The following RBFOX2 variants were observed in gnomAD, a reference collection of about 807,000 sequenced individuals.
The protein encoded by RBFOX2 is RNA binding fox-1 homolog 2.
In RBFOX2, 10 loss-of-function variants were observed where a neutral mutation model predicts 49.1. That is an observed-to-expected ratio of 0.20 (90% CI 0.13 to 0.35). RBFOX2 has a LOEUF of 0.35. Among genes scored for constraint, RBFOX2 ranks in the 10% least tolerant of loss-of-function variants. RBFOX2 has a pLI of 1.00. For missense variants in RBFOX2, 323 were observed against 486.9 expected (o/e 0.66, Z 3.17); for synonymous variants, 183 against 187.4 (o/e 0.98, Z 0.19).
chr22:35,875,761 C>T (rs937806122), intron 1 of RBFOX2, among the ~76,000 whole-genome samples: 3 of 151,926 alleles, frequency 2.0e-5, no homozygotes, highest in Admixed American at 2.0e-4. Context: ...TGCCTATTCT[C>T]CTAGCGCCTC....
At chr22:35,921,537 G>C (rs1198311961) in intron 1 of RBFOX2, among the ~76,000 whole-genome samples, 1 of 152,186 alleles carries the variant, frequency 6.6e-6, no homozygotes, top group Admixed American at 6.5e-5. Flanking sequence ...GGTATGAAGT[G>C]CTCTTTCACA....
rs374893511 is a variant in RBFOX2, at chr22:35,823,050, ACCT to A, written c.28-13049_28-13047del. Among the ~76,000 whole-genome samples, 14 of 151,936 alleles carry A rather than the reference ACCT, an allele frequency of 9.2e-5. No homozygotes were observed. The South Asian group carries it at 2.7e-3, about 29-fold the overall frequency. ...TGTTGGCCAGGCTGGTCTCCACCTGACCTCAGGTGATCCGCCCGCCTCGGCCTC... is the reference window on the plus strand; with the variant it reads ...TGTTGGCCAGGCTGGTCTCCACCTGACAGGTGATCCGCCCGCCTCGGCCTC... On this transcript the variant is annotated intron_variant, in intron 1 of 11. Coordinates refer to ENST00000405409, the Ensembl canonical transcript of RBFOX2.
At position 35,770,423 on chromosome 22, in the gene RBFOX2, C is replaced by A. The variant is rs191449001; in HGVS notation, c.454-2074G>T. Among the ~76,000 whole-genome samples the A allele has an allele frequency of 1.8e-3, 281 of 152,162 alleles. 8 individuals carry two copies. Among genetic ancestry groups the A allele is most frequent in the Non-Finnish European group, 6.8e-4 (46 of 67,972 alleles). On this transcript the variant is annotated intron_variant, in intron 4 of 11. Transcript: ENST00000405409. ...TTAGCATTATGACTATATCTACACA[C>A]CCACATACAAATATACATACTAGTT...
At chr22:36,027,623 C>A (rs887771386) in intron 1 of RBFOX2, among the ~76,000 whole-genome samples, 2 of 152,216 alleles carry the variant, frequency 1.3e-5, no homozygotes, top group Admixed American at 1.3e-4. Context: ...TCCCTTCAGA[C>A]TCATTAGTAT....
chr22:35,990,193 A>C (rs2057913965), intron 1 of RBFOX2, among the ~76,000 whole-genome samples: 1 of 152,178 alleles, frequency 6.6e-6, no homozygotes, highest in Admixed American at 6.5e-5. Flanking sequence ...AAACAAAAAC[A>C]AAAACAAAAA....
chr22:35,787,789 T>A (rs1426795699), intron 2 of RBFOX2, among the ~76,000 whole-genome samples: 1 of 152,230 alleles, frequency 6.6e-6, no homozygotes, highest in Non-Finnish European at 1.5e-5. Context: ...TATAAACAAC[T>A]TTCCAAGGTT....
At chr22:35,931,312 T>G (rs2052371704) in intron 1 of RBFOX2, among the ~76,000 whole-genome samples, 1 of 139,512 alleles carries the variant, frequency 7.2e-6, no homozygotes, top group African/African-American at 2.6e-5. Flanking sequence ...AAAGCATGTT[T>G]AGTTAAAAAA....
In RBFOX2 at chr22:35,768,094, T is replaced by C. The variant is rs368897478; in HGVS notation, c.546+163A>G. 4.6e-5 allele frequency among the ~76,000 whole-genome samples: 7 copies of C among 152,032 alleles called. No homozygotes were observed. The East Asian group carries it at 9.6e-4, about 21-fold the overall frequency. On this transcript the variant is annotated intron_variant, in intron 5 of 11. Transcript: ENST00000405409. ...AGGGAGGCAGATAGAAGTGTTACTTTTATACATTTTAGTGCAAGAAGGTGA... is the reference window on the plus strand; with the variant it reads ...AGGGAGGCAGATAGAAGTGTTACTTCTATACATTTTAGTGCAAGAAGGTGA...
intron 2 of RBFOX2, among the ~76,000 whole-genome samples, chr22:35,792,732 T>C (rs1367741745): frequency 6.6e-6 from 1 of 152,188 alleles, no homozygotes; most frequent in Non-Finnish European, 1.5e-5. Flanking sequence ...CGCAACCTGA[T>C]TTACAGGCTC....
At chr22:36,015,081 C>T (rs868363943) in intron 1 of RBFOX2, among the ~76,000 whole-genome samples, 3 of 152,110 alleles carry the variant, frequency 2.0e-5, no homozygotes, top group South Asian at 2.1e-4. Flanking sequence ...AATGGAGAGG[C>T]GCTAGCTAAC....
upstream of RBFOX2, among the ~76,000 whole-genome samples, chr22:35,940,696 G>A (rs73161717): frequency 0.019 from 2,827 of 152,178 alleles, 40 homozygotes; most frequent in Middle Eastern, 0.037. Flanking sequence ...CAAAATGTCC[G>A]TCGATTGATG....
At chr22:35,939,009 T>C (rs564475431), upstream of RBFOX2, 14 of 1,018,472 alleles carry the variant, frequency 1.4e-5, no homozygotes, top group Admixed American at 1.9e-4. Flanking sequence ...TCCTAAAATG[T>C]TCCATTAACT....
In RBFOX2 at chr22:35,899,528, C is replaced by T. The variant is rs4547626; in HGVS notation, c.-34+39319G>A. 2.9e-3 allele frequency among the ~76,000 whole-genome samples: 436 copies of T among 148,928 alleles called. 1 individual carries two copies. The Middle Eastern group carries it at 0.037, about 13-fold the overall frequency. On this transcript the variant is annotated intron_variant, in intron 1 of 13. Coordinates refer to the RBFOX2 transcript ENST00000359369. ...AGCTAAGTTATCTTTTTTATTCATG[C>T]TCCTGCATGTTCACATTTTTCTACC...
chr22:35,897,646 A>G (rs1483669549), intron 1 of RBFOX2: 16 of 1,395,032 alleles, frequency 1.1e-5, no homozygotes, highest in Middle Eastern at 3.7e-4. Context: ...AGGATCCTTA[A>G]CTGCATTAAC....
At chr22:35,858,641 C>T (rs1219956879) in intron 1 of RBFOX2, among the ~76,000 whole-genome samples, 1 of 151,972 alleles carries the variant, frequency 6.6e-6, no homozygotes, top group Non-Finnish European at 1.5e-5. Context: ...GCCTGGCCAA[C>T]ACGGTGAAAC....
chr22:35,988,215 TAGG>T (rs1164947903), intron 1 of RBFOX2, among the ~76,000 whole-genome samples: 1 of 152,226 alleles, frequency 6.6e-6, no homozygotes, highest in Non-Finnish European at 1.5e-5. Context: ...CCTGCAAATC[TAGG>T]ATCTATATTC....
upstream of RBFOX2, among the ~76,000 whole-genome samples, chr22:35,964,738 T>C (rs2056455781): frequency 1.3e-5 from 2 of 152,184 alleles, no homozygotes; most frequent in Non-Finnish European, 2.9e-5. Flanking sequence ...TAGAGGACCA[T>C]GCTAAAGAGG....
At chr22:35,814,066 G>A (rs889315073) in intron 1 of RBFOX2, among the ~76,000 whole-genome samples, 10 of 152,200 alleles carry the variant, frequency 6.6e-5, no homozygotes, top group Admixed American at 6.5e-5. Context: ...TCTGAGTTGA[G>A]AATGATGTCT....
chr22:35,891,227 G>A (rs1196914455), intron 1 of RBFOX2, among the ~76,000 whole-genome samples: 5 of 152,026 alleles, frequency 3.3e-5, no homozygotes, highest in African/African-American at 7.3e-5. Context: ...TCCACCTCCC[G>A]GGTTCAAGCA....
Sources: gnomAD v4.1 joint callset for allele counts (sites outside exome capture counted in the v4.1 genomes callset) on GRCh38, gnomAD v4.1.1 for gene constraint, MANE v1.5 for transcripts, NCBI Gene and HGNC (gene_info 2026-07-23, HGNC 2026-07-21) for gene names.